The following TUSC3 variants were observed in gnomAD, a reference collection of about 807,000 sequenced individuals.
TUSC3 encodes tumor suppressor candidate 3.
TUSC3 carries 45 observed loss-of-function variants against 44.8 expected under a neutral mutation model. The ratio of observed to expected loss-of-function variants is 1.00; its 90% CI spans 0.79 to 1.29. The LOEUF (loss-of-function observed/expected upper bound fraction) is 1.29, where lower values mean the gene tolerates loss of function less well. Among genes scored for constraint, TUSC3 ranks in the 50% most tolerant of loss-of-function variants. The pLI is 0.00. For synonymous variants in TUSC3, 212 were observed against 152.9 expected (o/e 1.39, Z -2.85); for missense variants, 519 against 437.9 (o/e 1.19, Z -1.65).
At chr8:15,571,214 A>C (rs1309610124) in intron 1 of TUSC3, among the ~76,000 whole-genome samples, 3 of 151,914 alleles carry the variant, frequency 2.0e-5, no homozygotes, top group Admixed American at 2.0e-4. Flanking sequence ...TCGGCCTCCC[A>C]AAGTGTTGGG....
chr8:15,443,062 G>C (rs913527927), intron 1 of TUSC3, among the ~76,000 whole-genome samples: 1 of 152,120 alleles, frequency 6.6e-6, no homozygotes, highest in East Asian at 1.9e-4. Flanking sequence ...AGCTGTTTTT[G>C]CTATCTTCAG....
intron 1 of TUSC3, among the ~76,000 whole-genome samples, chr8:15,612,908 G>C (rs1478762186): frequency 6.6e-6 from 1 of 151,958 alleles, no homozygotes; most frequent in Non-Finnish European, 1.5e-5. Context: ...CTAGACTTCA[G>C]AATCTTCTGC....
chr8:15,768,139 G>C (rs991396583), downstream of TUSC3, among the ~76,000 whole-genome samples: 2 of 140,846 alleles, frequency 1.4e-5, no homozygotes, highest in African/African-American at 2.7e-5. Flanking sequence ...AAAGTGGGGA[G>C]AGTATTTTTC....
At chr8:15,512,931 CATATATATAT>C (rs10696221) in intron 2 of TUSC3, among the ~76,000 whole-genome samples, 59,841 of 110,594 alleles carry the variant, frequency 0.54, 17,183 homozygotes, top group Non-Finnish European at 0.65. Context: ...TATATATAAT[CATATATATAT>C]ATATATATAT....
In TUSC3 at chr8:15,515,641, T is replaced by C. The variant is rs143498246; in HGVS notation, n.189+32158T>C. Among the ~76,000 whole-genome samples, 748 of 152,144 alleles carry C rather than the reference T, an allele frequency of 4.9e-3. 6 individuals are homozygous for C. In the East Asian group the frequency reaches 0.051, roughly 10 times the overall value. ...ATGGAAATATTTATACAGTATATTA[T>C]ATGATACAAAATATATATATATGTA... is the stretch of plus-strand genomic sequence containing the variant. On this transcript the variant is annotated intron_variant and non_coding_transcript_variant, in intron 2 of 5. Coordinates refer to the TUSC3 transcript ENST00000503191.
intron 6 of TUSC3, among the ~76,000 whole-genome samples, chr8:15,683,738 G>C (rs1475079851): frequency 6.6e-6 from 1 of 152,136 alleles, no homozygotes; most frequent in African/African-American, 2.4e-5. Context: ...TTCCTGCACT[G>C]ATTCCTTCTC....
intron 2 of TUSC3, among the ~76,000 whole-genome samples, chr8:15,648,492 T>C (rs963459087): frequency 1.1e-4 from 16 of 144,272 alleles, no homozygotes; most frequent in Non-Finnish European, 2.3e-4. Context: ...TTTGAGAGGC[T>C]GAGGCGGGCG....
In TUSC3 at chr8:15,426,831, C is replaced by T. The variant is rs114912138; in HGVS notation, n.91+9526C>T. 8.8e-3 allele frequency among the ~76,000 whole-genome samples: 1,346 copies of T among 152,286 alleles called. 23 individuals are homozygous for T. The highest frequency in any genetic ancestry group is 0.03 in the African/African-American group (1,260 of 41,550). ...TCTGTACTGTATGCCATAGCTACTA[C>T]ACCATCATATATTCCCACCAGCATT... is the stretch of plus-strand genomic sequence containing the variant. On this transcript the variant is annotated intron_variant and non_coding_transcript_variant, in intron 1 of 5. Transcript: ENST00000503191.
At chr8:15,585,545 G>C (rs1389025221) in intron 1 of TUSC3, among the ~76,000 whole-genome samples, 5 of 152,162 alleles carry the variant, frequency 3.3e-5, no homozygotes, top group African/African-American at 4.8e-5. Flanking sequence ...AAACTGATGA[G>C]GGCTGGGCAT....
chr8:15,490,002 C>G lies in TUSC3; in HGVS notation n.189+6519C>G, dbSNP rs139506767. Among the ~76,000 whole-genome samples, 404 of 152,194 alleles carry G rather than the reference C, an allele frequency of 2.7e-3. 4 individuals carry two copies. Among genetic ancestry groups the G allele is most frequent in the Non-Finnish European group, 2.6e-3 (175 of 68,002 alleles). ...ATAGTCAAAATAAGAAATTTATCTC[C>G]TTTTGTGTTGTTTTACTAGGACATT... On this transcript the variant is annotated intron_variant and non_coding_transcript_variant, in intron 2 of 5. Coordinates refer to the TUSC3 transcript ENST00000503191.
chr8:15,523,652 ATATATATATATATG>A (rs1414024268), intron 2 of TUSC3, among the ~76,000 whole-genome samples: 1 of 28,358 alleles, frequency 3.5e-5, no homozygotes, highest in East Asian at 8.5e-4. Context: ...ATATATATAT[ATATATATATATATG>A]TGTGTGTGTG....
intron 6 of TUSC3, among the ~76,000 whole-genome samples, chr8:15,682,876 T>C (rs941242938): frequency 6.6e-6 from 1 of 152,084 alleles, no homozygotes; most frequent in Non-Finnish European, 1.5e-5. Context: ...AGTGATTGAT[T>C]CTCTGGGAAA....
intron 5 of TUSC3, among the ~76,000 whole-genome samples, chr8:15,669,692 A>G (rs1807854839): frequency 6.6e-6 from 1 of 151,780 alleles, no homozygotes; most frequent in Non-Finnish European, 1.5e-5. Context: ...AAAAAACAAA[A>G]TAGAAGGGAA....
chr8:15,532,032 C>G (rs1457238802), intron 2 of TUSC3, among the ~76,000 whole-genome samples: 1 of 152,136 alleles, frequency 6.6e-6, no homozygotes, highest in African/African-American at 2.4e-5. Flanking sequence ...AATTATATGG[C>G]TTGATAAAAT....
chr8:15,455,344 G>A (rs1800240302), intron 1 of TUSC3, among the ~76,000 whole-genome samples: 1 of 152,028 alleles, frequency 6.6e-6, no homozygotes, highest in South Asian at 2.1e-4. Flanking sequence ...GAGGAGCTAT[G>A]GTTGGTTTTC....
At chr8:15,612,184 C>A (rs1233429633) in intron 1 of TUSC3, among the ~76,000 whole-genome samples, 2 of 152,070 alleles carry the variant, frequency 1.3e-5, no homozygotes, top group Non-Finnish European at 2.9e-5. Context: ...ACCTGCTATT[C>A]AGATAGCAGG....
At chr8:15,691,018 G>GT (rs149644892) in intron 6 of TUSC3, among the ~76,000 whole-genome samples, 15,179 of 93,890 alleles carry the variant, frequency 0.16, 1,486 homozygotes, top group East Asian at 0.33. Context: ...TTTTAAAATA[G>GT]TTTTTTTCCT....
chr8:15,633,156 T>G (rs988736384), intron 2 of TUSC3, among the ~76,000 whole-genome samples: 1 of 152,192 alleles, frequency 6.6e-6, no homozygotes, highest in African/African-American at 2.4e-5. Flanking sequence ...TAGATACGTA[T>G]TATTGTAGCA....
At chr8:15,573,233 A>G (rs868815952) in intron 1 of TUSC3, among the ~76,000 whole-genome samples, 18 of 80,844 alleles carry the variant, frequency 2.2e-4, no homozygotes, top group African/African-American at 8.9e-4. Flanking sequence ...TATATATAAA[A>G]GTTTTTTTTT....
Sources: allele counts gnomAD v4.1 joint callset (sites outside exome capture counted in the v4.1 genomes callset), GRCh38; gene constraint gnomAD v4.1.1; transcripts MANE v1.5; gene names NCBI Gene and HGNC (gene_info 2026-07-23, HGNC 2026-07-21).